The following DCC variants were observed in gnomAD, a reference collection of about 807,000 sequenced individuals.
DCC encodes the protein DCC netrin 1 receptor, also known as netrin receptor DCC.
DCC carries 58 observed loss-of-function variants against 172.5 expected under a neutral mutation model. The ratio of observed to expected loss-of-function variants is 0.34; its 90% CI spans 0.27 to 0.42. The LOEUF (loss-of-function observed/expected upper bound fraction) is 0.42. Ranked by LOEUF, DCC falls within the 10% of genes least tolerant of loss-of-function variation. The pLI, the probability that DCC is intolerant of heterozygous loss-of-function variation, is 1.00. For synonymous variants in DCC, 709 were observed against 644.5 expected (o/e 1.10, Z -1.52); for missense variants, 1,740 against 1,791.0 (o/e 0.97, Z 0.51).
At chr18:53,414,217 C>A (rs1318883655) in intron 20 of DCC, among the ~76,000 whole-genome samples, 1 of 152,168 alleles carries the variant, frequency 6.6e-6, no homozygotes, top group Non-Finnish European at 1.5e-5. Context: ...CAAATTCTAA[C>A]CACTAGCCCA....
chr18:53,295,829 C>T (rs887659004), intron 12 of DCC, among the ~76,000 whole-genome samples: 4 of 152,122 alleles, frequency 2.6e-5, no homozygotes, highest in African/African-American at 9.7e-5. Context: ...ATGTCAGAAA[C>T]CTGTCATTCT....
At chr18:52,387,952 C>T (rs1256375535) in intron 1 of DCC, among the ~76,000 whole-genome samples, 4 of 151,990 alleles carry the variant, frequency 2.6e-5, no homozygotes, top group Non-Finnish European at 4.4e-5. Context: ...GCTCCACTGC[C>T]CAGAGTTGAC....
chr18:53,097,067 G>A (rs895030153), intron 7 of DCC, among the ~76,000 whole-genome samples: 8 of 152,138 alleles, frequency 5.3e-5, no homozygotes, highest in Admixed American at 1.3e-4. Flanking sequence ...GTGATATTAA[G>A]GTTGAAGGGA....
intron 1 of DCC, among the ~76,000 whole-genome samples, chr18:52,393,584 T>C (rs938306177): frequency 6.6e-6 from 1 of 152,084 alleles, no homozygotes; most frequent in African/African-American, 2.4e-5. Flanking sequence ...CAGGAGCTTA[T>C]TACAGATGAA....
chr18:53,157,306 CT>C (rs1477164027), intron 7 of DCC, 49 bp from the exon 8 acceptor site: 2 of 1,612,664 alleles, frequency 1.2e-6, no homozygotes, highest in Admixed American at 3.3e-5. Context: ...CTACCCAATT[CT>C]TACCTATGGC....
Position 53,032,024 on chromosome 18 carries a change from G to A in DCC, c.986-31281G>A, listed in dbSNP as rs562952397. On this transcript the variant is annotated intron_variant, in intron 5 of 28. Coordinates refer to ENST00000442544, the MANE Select transcript of DCC (RefSeq NM_005215.4). Reference sequence around the variant, plus strand: ...ATGCAAGCTGACTAGCAGATGGTGTGATTTTGTGAAATATGTATATTGTAC... The same window carrying A: ...ATGCAAGCTGACTAGCAGATGGTGTAATTTTGTGAAATATGTATATTGTAC... Among the ~76,000 whole-genome samples, 6 of 152,266 alleles carry A rather than the reference G, an allele frequency of 3.9e-5. No individual in the cohort carries two copies. The East Asian group carries it at 9.6e-4, about 24-fold the overall frequency.
rs1344603125 is a variant in DCC, at chr18:53,267,143, T to TAG, written c.1912-38434_1912-38433insGA. Among the ~76,000 whole-genome samples the TAG allele has an allele frequency of 8.1e-4, 122 of 150,288 alleles. 2 individuals are homozygous for TAG. Among genetic ancestry groups the TAG allele is most frequent in the Admixed American group, 3.3e-3 (50 of 15,056 alleles). On this transcript the variant is annotated intron_variant, in intron 12 of 28. Transcript: ENST00000442544. ...ACACACACACACACACATATATATATATATATAGAGAGAGAGAGAGAGACA... is the reference window on the plus strand; with the variant it reads ...ACACACACACACACACATATATATATAGATATATAGAGAGAGAGAGAGAGACA...
chr18:52,435,990 C>T (rs1987783107), intron 1 of DCC, among the ~76,000 whole-genome samples: 1 of 152,232 alleles, frequency 6.6e-6, no homozygotes, highest in Non-Finnish European at 1.5e-5. Flanking sequence ...GACATTGTCT[C>T]TATTCTTCCT....
chr18:53,363,664 C>A (rs2057972604), intron 15 of DCC, among the ~76,000 whole-genome samples: 1 of 152,102 alleles, frequency 6.6e-6, no homozygotes, highest in Non-Finnish European at 1.5e-5. Context: ...ATGTTTTCTT[C>A]CCAGATAAAT....
chr18:52,819,552 G>A (rs2038365981), intron 2 of DCC, among the ~76,000 whole-genome samples: 2 of 152,052 alleles, frequency 1.3e-5, no homozygotes, highest in South Asian at 4.2e-4. Context: ...ACTTTGTATG[G>A]TGCAGTTTAA....
chr18:52,631,554 C>T (rs2034676077), intron 1 of DCC, among the ~76,000 whole-genome samples: 1 of 152,156 alleles, frequency 6.6e-6, no homozygotes, highest in Admixed American at 6.5e-5. Context: ...TTTGGGCCTA[C>T]CCATTTTCCC....
chr18:53,529,075 CACACACACAT>C (rs2046496169), intron 28 of DCC, among the ~76,000 whole-genome samples: 1 of 145,078 alleles, frequency 6.9e-6, no homozygotes, highest in Non-Finnish European at 1.5e-5. Flanking sequence ...CACACACACA[CACACACACAT>C]TGTATGTATA....
intron 1 of DCC, among the ~76,000 whole-genome samples, chr18:52,497,259 TCAAA>T (rs2030796767): frequency 7.6e-5 from 1 of 13,196 alleles, no homozygotes; most frequent in African/African-American, 5.8e-4. Context: ...AGACCCTGTA[TCAAA>T]AAAAAAAAAA....
In DCC at chr18:52,521,966, A is replaced by C. The variant is rs192983734; in HGVS notation, c.91+181088A>C. On this transcript the variant is annotated intron_variant, in intron 1 of 28. Coordinates refer to ENST00000442544, the MANE Select transcript of DCC (RefSeq NM_005215.4). ...TTAGGCAAAATCTATCAAGCCTAAA[A>C]AAATAATCCTCAATCTTATTCAGTA... 7.2e-5 allele frequency among the ~76,000 whole-genome samples: 11 copies of C among 152,328 alleles called. No homozygotes were observed. In the East Asian group the frequency reaches 2.1e-3, roughly 29 times the overall value.
At chr18:52,463,735 C>A (rs1440931726) in intron 1 of DCC, among the ~76,000 whole-genome samples, 1 of 152,124 alleles carries the variant, frequency 6.6e-6, no homozygotes, top group East Asian at 1.9e-4. Flanking sequence ...GTACTAGGTG[C>A]TGAGGATATA....
chr18:52,854,525 TAAAA>T (rs898498960), intron 2 of DCC, among the ~76,000 whole-genome samples: 1 of 152,182 alleles, frequency 6.6e-6, no homozygotes, highest in South Asian at 2.1e-4. Flanking sequence ...TCCTCTTAGA[TAAAA>T]AAATATTTTG....
At chr18:52,471,007 A>G (rs994384905) in intron 1 of DCC, among the ~76,000 whole-genome samples, 3 of 152,188 alleles carry the variant, frequency 2.0e-5, no homozygotes, top group South Asian at 2.1e-4. Context: ...CTCCTGGGCA[A>G]TAGATTATGT....
At chr18:53,343,092 G>A (rs1011429006) in intron 15 of DCC, among the ~76,000 whole-genome samples, 4 of 151,526 alleles carry the variant, frequency 2.6e-5, no homozygotes, top group Non-Finnish European at 5.9e-5. Context: ...AAAATTTTCT[G>A]TTTAATCAAA....
chr18:53,160,108 G>C (rs1037861662), intron 8 of DCC, among the ~76,000 whole-genome samples: 4 of 152,138 alleles, frequency 2.6e-5, no homozygotes, highest in African/African-American at 4.8e-5. Context: ...TTGTTCACAG[G>C]CCTGCTTATC....
Sources: allele counts gnomAD v4.1 joint callset (sites outside exome capture counted in the v4.1 genomes callset), GRCh38; gene constraint gnomAD v4.1.1; transcripts MANE v1.5; gene names NCBI Gene and HGNC (gene_info 2026-07-23, HGNC 2026-07-21).